Variants in DOCK9 observed in about 807,000 individuals in gnomAD.
DOCK9 encodes dedicator of cytokinesis protein 9.
DOCK9 carries 89 observed loss-of-function variants against 263.3 expected under a neutral mutation model. The ratio of observed to expected loss-of-function variants is 0.34; its 90% CI spans 0.28 to 0.40. DOCK9 has a LOEUF of 0.40. Ranked by LOEUF, DOCK9 falls within the 10% of genes least tolerant of loss-of-function variation. The pLI is 1.00. For missense variants in DOCK9, 2,140 were observed against 2,603.4 expected (o/e 0.82, Z 3.87); for synonymous variants, 976 against 973.1 (o/e 1.00, Z -0.06).
intron 1 of DOCK9, among the ~76,000 whole-genome samples, chr13:99,044,873 G>A (rs1426555013): frequency 1.3e-5 from 2 of 152,122 alleles, no homozygotes; most frequent in Non-Finnish European, 2.9e-5. Context: ...CTTCCTACCC[G>A]TGTTTCTCAG....
intron 1 of DOCK9, among the ~76,000 whole-genome samples, chr13:99,053,007 G>A (rs1379539316): frequency 2.6e-5 from 4 of 152,060 alleles, no homozygotes; most frequent in East Asian, 1.9e-4. Flanking sequence ...GGGATTCGCC[G>A]TTGGGATGAA....
At chr13:98,942,233 TTG>T (rs1266126175) in intron 2 of DOCK9, among the ~76,000 whole-genome samples, 1,598 of 81,446 alleles carry the variant, frequency 0.02, 27 homozygotes, top group African/African-American at 0.095. Flanking sequence ...TTTTTTTTTG[TTG>T]TTTTTTTTTT....
intron 1 of DOCK9, among the ~76,000 whole-genome samples, chr13:98,987,056 A>G (rs1878630384): frequency 6.6e-6 from 1 of 152,064 alleles, no homozygotes; most frequent in African/African-American, 2.4e-5. Flanking sequence ...CAGCACCATC[A>G]CCATCTTCAC....
chr13:98,900,607 A>T (rs1186418490), intron 13 of DOCK9, among the ~76,000 whole-genome samples: 1 of 152,100 alleles, frequency 6.6e-6, no homozygotes, highest in African/African-American at 2.4e-5. Flanking sequence ...GCTTTCTGTG[A>T]TTTATGGTGC....
chr13:98,968,533 T>C (rs2059417780), intron 1 of DOCK9, among the ~76,000 whole-genome samples: 1 of 152,144 alleles, frequency 6.6e-6, no homozygotes, highest in South Asian at 2.1e-4. Flanking sequence ...GGCACGAGAA[T>C]TGCTTGCACC....
chr13:98,805,003 C>G lies in DOCK9; in HGVS notation c.5721G>C (p.Leu1907=), dbSNP rs1594159596. The G allele has an allele frequency of 6.2e-7, 1 of 1,600,342 alleles. No individual in the cohort carries two copies. The highest frequency in any genetic ancestry group is 1.1e-5 in the South Asian group (1 of 88,530). ...VEEQCKRRTI[L]TAIHCFPYVK... ...TGCGGCTTCTGGGGCCCATACCTGT[C>G]AGGATGGTGCGCCGTTTGCACTGCT... Residue 1907 remains leucine, a synonymous_variant, in exon 49 of 53, where the codon CTG becomes CTC. Coordinates refer to ENST00000682017, the MANE Select transcript of DOCK9 (RefSeq NM_001366683.2).
chr13:98,886,731 C>T (rs982237448), intron 18 of DOCK9, 107 bp from the exon 19 acceptor site: 16 of 1,026,372 alleles, frequency 1.6e-5, no homozygotes, highest in South Asian at 3.0e-5. Flanking sequence ...GACTTAGCAT[C>T]GCCACCTCTG....
In DOCK9 at chr13:98,831,419, G is replaced by T; in HGVS notation, c.4564C>A (p.Leu1522Met). Residue 1522 changes from leucine to methionine, a missense_variant, in exon 41 of 53, where the codon CTG becomes ATG. Leu to Met is a conservative substitution (Grantham distance 15). This residue lies in a region of DOCK9 where 619 missense variants were observed against 861.8 expected (regional missense o/e 0.72). Coordinates refer to ENST00000682017, the MANE Select transcript of DOCK9 (RefSeq NM_001366683.2). ...TTGTTCCTCATCAGGAAGTAGAGCA[G>T]CTGGGAGGCCTCCGTCCTGATGGAG... ...LSSIRTEASQ[L>M]LYFLMRNNFD... 6.2e-7 allele frequency: 1 copy of T among 1,602,964 alleles called. No homozygotes were observed. The highest frequency in any genetic ancestry group is 8.5e-7 in the Non-Finnish European group (1 of 1,174,478).
intron 18 of DOCK9, among the ~76,000 whole-genome samples, chr13:98,887,385 G>T (rs1409882185): frequency 2.7e-5 from 4 of 150,846 alleles, no homozygotes; most frequent in Admixed American, 1.3e-4. Context: ...GGGAGGCCAA[G>T]GTGGGCAGAT....
At chr13:98,994,637 A>G (rs1880591728) in intron 1 of DOCK9, among the ~76,000 whole-genome samples, 1 of 152,014 alleles carries the variant, frequency 6.6e-6, no homozygotes. Context: ...ATCAGATATG[A>G]GTGTATATAT....
intron 1 of DOCK9, among the ~76,000 whole-genome samples, chr13:99,019,172 A>T (rs1419608588): frequency 6.6e-6 from 1 of 152,216 alleles, no homozygotes; most frequent in Non-Finnish European, 1.5e-5. Flanking sequence ...AATTTCCAGA[A>T]CAGACACATC....
intron 1 of DOCK9, among the ~76,000 whole-genome samples, chr13:99,058,999 GCTT>G (rs1299861198): frequency 6.6e-6 from 1 of 152,106 alleles, no homozygotes; most frequent in Admixed American, 6.5e-5. Context: ...CCTCCTGGAG[GCTT>G]CTTATCTCTC....
intron 1 of DOCK9, among the ~76,000 whole-genome samples, chr13:98,986,289 T>C (rs748537471): frequency 2.0e-5 from 3 of 152,298 alleles, no homozygotes; most frequent in Middle Eastern, 3.4e-3. Context: ...TTATAGGTGA[T>C]GGAGATGGAC....
At chr13:98,990,233 G>A (rs144590974) in intron 1 of DOCK9, among the ~76,000 whole-genome samples, 168 of 152,302 alleles carry the variant, frequency 1.1e-3, no homozygotes, top group Admixed American at 4.0e-3. Flanking sequence ...CAGAAGTCAC[G>A]TCTTCCGTAT....
At chr13:98,935,829 G>A (rs1595464067) in intron 2 of DOCK9, among the ~76,000 whole-genome samples, 1 of 152,078 alleles carries the variant, frequency 6.6e-6, no homozygotes, top group Admixed American at 6.5e-5. Context: ...GGACCCATGG[G>A]GGAGGGGAGG....
At chr13:99,086,456 C>T (rs958212993) in exon 1 of DOCK9, 2 of 751,988 alleles carry the variant, frequency 2.7e-6, no homozygotes, top group African/African-American at 3.8e-5. Context: ...CCCGCCGCTC[C>T]CGGCGCCGCC....
intron 32 of DOCK9, among the ~76,000 whole-genome samples, chr13:98,861,360 C>G (rs1384438090): frequency 6.6e-6 from 1 of 152,266 alleles, no homozygotes; most frequent in South Asian, 2.1e-4. Context: ...ATACATGAGA[C>G]TCTGCAAGTG....
At chr13:98,999,316 A>ACACACACACACACACACTCTCTCTCTCT in intron 1 of DOCK9, among the ~76,000 whole-genome samples, 19 of 138,366 alleles carry the variant, frequency 1.4e-4, no homozygotes, top group African/African-American at 5.1e-4. Context: ...ACACACACAC[A>ACACACACACACACACACTCTCTCTCTCT]CTCTCTCTCT....
chr13:98,807,960 A>G (rs1340419433), intron 47 of DOCK9, among the ~76,000 whole-genome samples, 153 bp from the exon 48 acceptor site: 2 of 152,114 alleles, frequency 1.3e-5, no homozygotes, highest in South Asian at 2.1e-4. Context: ...AATGCTAATA[A>G]CATGAAGTCT....
Sources: allele counts gnomAD v4.1 joint callset (sites outside exome capture counted in the v4.1 genomes callset), GRCh38; gene constraint gnomAD v4.1.1; regional missense constraint gnomAD v4.1.1; transcripts MANE v1.5; gene names NCBI Gene and HGNC (gene_info 2026-07-23, HGNC 2026-07-21).